The following SLC6A13 variants were observed in gnomAD, a reference collection of about 807,000 sequenced individuals.
The protein encoded by SLC6A13 is solute carrier family 6 member 13, also known as sodium- and chloride-dependent GABA transporter 2.
In SLC6A13, 69 loss-of-function variants were observed where a neutral mutation model predicts 72.9. The ratio of observed to expected loss-of-function variants is 0.95; its 90% CI spans 0.78 to 1.16. SLC6A13 has a LOEUF of 1.16. Ranked by LOEUF, SLC6A13 falls within the 50% of genes most tolerant of loss-of-function variation. The pLI is 0.00. For synonymous variants in SLC6A13, 303 were observed against 303.0 expected (o/e 1.00, Z 0.00); for missense variants, 735 against 760.5 (o/e 0.97, Z 0.39).
At position 221,426 on chromosome 12, in the gene SLC6A13, G is replaced by A; in HGVS notation, c.1636C>T (p.Pro546Ser). The A allele has an allele frequency of 1.2e-6, 2 of 1,613,552 alleles. No homozygotes were observed. The highest frequency in any genetic ancestry group is 1.1e-5 in the South Asian group (1 of 90,970). ...CCGAGTCTGTAGAGGCTCCAGGCAG[G>A]AATGCAGACCATGGAGGACAGAGCC... ...LLALSSMVCI[P>S]AWSLYRLGTL... Residue 546 changes from proline (P) to serine (S), a missense_variant, in exon 14 of 15, where the codon CCT becomes TCT. Transcript: ENST00000343164.
At chr12:246,399 AC>A (rs1942352016) in intron 2 of SLC6A13, among the ~76,000 whole-genome samples, 2 of 152,188 alleles carry the variant, frequency 1.3e-5, no homozygotes, top group African/African-American at 2.4e-5. Flanking sequence ...ATCGAAAATT[AC>A]CAGGAAAGCA....
intron 7 of SLC6A13, among the ~76,000 whole-genome samples, chr12:233,216 G>C (rs1008894500): frequency 8.5e-5 from 13 of 152,220 alleles, no homozygotes; most frequent in Non-Finnish European, 1.6e-4. Context: ...CAGAGGCAGG[G>C]CATAACCGGG....
At chr12:248,867 C>G (rs1942447460) in intron 2 of SLC6A13, among the ~76,000 whole-genome samples, 1 of 152,100 alleles carries the variant, frequency 6.6e-6, no homozygotes, top group African/African-American at 2.4e-5. Context: ...AATATTCCAC[C>G]AAGATGGGCC....
At chr12:236,878 A>T in intron 6 of SLC6A13, 1 of 311,726 alleles carries the variant, frequency 3.2e-6, no homozygotes, top group East Asian at 5.3e-5. Context: ...GGGAACCATG[A>T]CTTGTGTTCA....
At chr12:249,718 A>G (rs1942470880) in intron 2 of SLC6A13, among the ~76,000 whole-genome samples, 1 of 152,170 alleles carries the variant, frequency 6.6e-6, no homozygotes, top group African/African-American at 2.4e-5. Context: ...TCTTCCAAAA[A>G]ATTGAAAAGA....
At chr12:245,256 T>A (rs1326885521) in intron 2 of SLC6A13, among the ~76,000 whole-genome samples, 2 of 152,220 alleles carry the variant, frequency 1.3e-5, no homozygotes, top group Non-Finnish European at 2.9e-5. Context: ...GAAGGGCATT[T>A]CCTCAGTAAC....
At chr12:238,047 A>G in intron 4 of SLC6A13, 37 bp from the exon 5 acceptor site, 1 of 1,599,852 alleles carries the variant, frequency 6.3e-7, no homozygotes. Context: ...AAAGAGAAAA[A>G]TCATCAGCCA....
Position 223,123 on chromosome 12 carries a change from G to T in SLC6A13, c.1414+9C>A. 6.4e-7 allele frequency: 1 copy of T among 1,570,702 alleles called. No individual in the cohort carries two copies. Among genetic ancestry groups the T allele is most frequent in the Non-Finnish European group, 8.8e-7 (1 of 1,140,766 alleles). On this transcript the variant is annotated intron_variant, in intron 12 of 14. Coordinates refer to ENST00000343164, the MANE Select transcript of SLC6A13 (RefSeq NM_016615.5). ...GAGGATGCTGGGACCTAGGGGAGGA[G>T]TCACTCACCGTAAACCCAAGCCACA...
intron 12 of SLC6A13, 40 bp downstream of exon 12, chr12:223,092 C>T: frequency 7.9e-7 from 1 of 1,272,940 alleles, no homozygotes; most frequent in Non-Finnish European, 1.1e-6. Flanking sequence ...GACCCTTAGA[C>T]AAGAGGAGGA....
rs114982850 is a variant in SLC6A13, at chr12:240,127, G to A, written c.479-2117C>T. Among the ~76,000 whole-genome samples the A allele has an allele frequency of 7.3e-3, 1,113 of 152,126 alleles. 17 individuals carry two copies. The highest frequency in any genetic ancestry group is 0.026 in the African/African-American group (1,058 of 41,488). ...CTGTCTGACAGGCTGGTTGTCAAGG[G>A]TGGTCTCAGTACACATAGATATTTA... On this transcript the variant is annotated intron_variant, in intron 4 of 14. Transcript: ENST00000343164.
rs530797816 is a variant in SLC6A13, at chr12:231,354, G to A, written c.832-3686C>T. Among the ~76,000 whole-genome samples, 176 of 152,322 alleles carry A rather than the reference G, an allele frequency of 1.2e-3. 1 individual carries two copies. The highest frequency in any genetic ancestry group is 4.1e-3 in the African/African-American group (169 of 41,568). On this transcript the variant is annotated intron_variant, in intron 7 of 14. Coordinates refer to ENST00000343164, the MANE Select transcript of SLC6A13 (RefSeq NM_016615.5). ...GCCTCAGTGCTTGGCAGAGAGATGC[G>A]TCTTTGGTCTGTGTCGGGGAGAAGA...
chr12:248,405 A>G (rs1346042927), intron 2 of SLC6A13, among the ~76,000 whole-genome samples: 2 of 22,922 alleles, frequency 8.7e-5, no homozygotes, highest in Non-Finnish European at 5.4e-4. Flanking sequence ...CCGTCTCGGA[A>G]AAAAAAAAAA....
chr12:226,355 G>A, intron 9 of SLC6A13, 35 bp downstream of exon 9: 1 of 1,612,374 alleles, frequency 6.2e-7, no homozygotes, highest in Non-Finnish European at 8.5e-7. Flanking sequence ...TTTGAACCAG[G>A]CTCACTGCCT....
Position 227,910 on chromosome 12 carries a change from A to G in SLC6A13, c.832-242T>C, listed in dbSNP as rs562636093. The stretch of plus-strand genomic sequence containing the variant: ...AGGCATTAGGCATTCAAAGAAAATG[A>G]AAAAGACTAAAAGACCCATGGTGGA... On this transcript the variant is annotated intron_variant, in intron 7 of 14. Coordinates refer to ENST00000343164, the MANE Select transcript of SLC6A13 (RefSeq NM_016615.5). Among the ~76,000 whole-genome samples, 3 of 152,292 alleles carry G rather than the reference A, an allele frequency of 2.0e-5. No individual in the cohort carries two copies. The South Asian group carries it at 6.2e-4, about 32-fold the overall frequency.
intron 7 of SLC6A13, among the ~76,000 whole-genome samples, chr12:234,198 C>T (rs915855591): frequency 1.3e-5 from 2 of 152,174 alleles, no homozygotes; most frequent in African/African-American, 4.8e-5. Context: ...CAGGGCCTCA[C>T]CACCAATTAT....
At chr12:234,579 G>A (rs911422250) in intron 7 of SLC6A13, among the ~76,000 whole-genome samples, 21 of 151,824 alleles carry the variant, frequency 1.4e-4, no homozygotes, top group South Asian at 2.1e-4. Context: ...GTGCAGTGGC[G>A]CGATCTCAGC....
intron 8 of SLC6A13, 92 bp downstream of exon 8, chr12:227,473 T>TG: frequency 6.4e-7 from 1 of 1,574,670 alleles, no homozygotes; most frequent in Non-Finnish European, 8.6e-7. Context: ...ATCCAGGAGC[T>TG]GATGCACCCT....
At chr12:251,049 G>A (rs531550885) in intron 2 of SLC6A13, among the ~76,000 whole-genome samples, 5 of 151,762 alleles carry the variant, frequency 3.3e-5, no homozygotes, top group South Asian at 2.1e-4. Context: ...CCAGCTACTC[G>A]CGAGGCTGAG....
intron 4 of SLC6A13, among the ~76,000 whole-genome samples, chr12:239,485 T>C (rs1942086807): frequency 6.6e-6 from 1 of 152,212 alleles, no homozygotes. Flanking sequence ...AAGGGGCATC[T>C]CAGTAAGGCC....
Sources: allele counts gnomAD v4.1 joint callset (sites outside exome capture counted in the v4.1 genomes callset), GRCh38; gene constraint gnomAD v4.1.1; transcripts MANE v1.5; gene names NCBI Gene and HGNC (gene_info 2026-07-23, HGNC 2026-07-21).